Variants in SCHIP1 observed in about 807,000 individuals in gnomAD.
The protein encoded by SCHIP1 is schwannomin-interacting protein 1.
Under a neutral mutation model 29.7 loss-of-function variants are expected in SCHIP1, and 8 were observed. The ratio of observed to expected loss-of-function variants is 0.27; its 90% CI spans 0.16 to 0.49. SCHIP1 has a LOEUF of 0.49. SCHIP1 is among the 20% of genes least tolerant of loss of function. The pLI, the probability that SCHIP1 is intolerant of heterozygous loss-of-function variation, is 0.99. For synonymous variants in SCHIP1, 76 were observed against 94.9 expected (o/e 0.80, Z 1.16); for missense variants, 193 against 294.6 (o/e 0.66, Z 2.52).
chr3:159,663,052 A>T, the SCHIP1 span, among the ~76,000 whole-genome samples: 360 of 152,216 alleles, frequency 2.4e-3, 3 homozygotes, highest in African/African-American at 8.1e-3. Context: ...TTCAGATGAC[A>T]TTTTCCTCAG....
the SCHIP1 span, among the ~76,000 whole-genome samples, chr3:159,460,726 C>CCTTA: frequency 6.6e-6 from 1 of 152,018 alleles, no homozygotes; most frequent in Non-Finnish European, 1.5e-5. Flanking sequence ...CCCAAGACCC[C>CCTTA]CTTAGTCTTG....
chr3:159,550,258 G>T, the SCHIP1 span, among the ~76,000 whole-genome samples: 36 of 151,950 alleles, frequency 2.4e-4, no homozygotes, highest in Admixed American at 2.6e-4. Flanking sequence ...TATTAGTTAT[G>T]CTTTTCAAAT....
chr3:159,715,713 A>T, the SCHIP1 span, among the ~76,000 whole-genome samples: 1 of 152,200 alleles, frequency 6.6e-6, no homozygotes, highest in South Asian at 2.1e-4. Flanking sequence ...AAAGAGTAAA[A>T]AGAAATGAAC....
At chr3:159,582,006 A>C in the SCHIP1 span, among the ~76,000 whole-genome samples, 1 of 152,304 alleles carries the variant, frequency 6.6e-6, no homozygotes, top group African/African-American at 2.4e-5. Context: ...TATAATTAAA[A>C]CTGAATCATG....
the SCHIP1 span, among the ~76,000 whole-genome samples, chr3:159,514,690 CTTCA>C: frequency 2.6e-5 from 4 of 152,156 alleles, no homozygotes; most frequent in African/African-American, 7.2e-5. Context: ...TAAACTATTT[CTTCA>C]TTGTTTCTAA....
the SCHIP1 span, among the ~76,000 whole-genome samples, chr3:159,741,821 G>C: frequency 0.34 from 51,912 of 152,108 alleles, 10,314 homozygotes; most frequent in Middle Eastern, 0.47. Flanking sequence ...GGATTTGAGG[G>C]GACTGAGATA....
chr3:159,826,682 A>G, the SCHIP1 span, among the ~76,000 whole-genome samples: 1 of 152,202 alleles, frequency 6.6e-6, no homozygotes, highest in East Asian at 1.9e-4. Context: ...GGAATGAGGT[A>G]GGTAGGTTTA....
At chr3:159,746,200 A>G in the SCHIP1 span, among the ~76,000 whole-genome samples, 1 of 152,220 alleles carries the variant, frequency 6.6e-6, no homozygotes, top group African/African-American at 2.4e-5. Flanking sequence ...TTCTTCCCTT[A>G]AGATTTACAG....
chr3:159,839,965 C>T, exon 1 of SCHIP1: 1 of 1,420,186 alleles, frequency 7.0e-7, no homozygotes, highest in Non-Finnish European at 9.1e-7. Context: ...TCACTGGTTT[C>T]GGAGGGCTGG....
the SCHIP1 span, among the ~76,000 whole-genome samples, chr3:159,281,781 T>C: frequency 7.2e-5 from 11 of 152,296 alleles, no homozygotes; most frequent in East Asian, 2.1e-3. Context: ...TGCCTATTCA[T>C]TTATCGTTGT....
At chr3:159,298,006 G>A in the SCHIP1 span, among the ~76,000 whole-genome samples, 5 of 152,156 alleles carry the variant, frequency 3.3e-5, no homozygotes, top group African/African-American at 1.2e-4. Flanking sequence ...CCAGTCTTCT[G>A]CTCACTAGAA....
At chr3:159,463,050 T>A in the SCHIP1 span, among the ~76,000 whole-genome samples, 1 of 151,922 alleles carries the variant, frequency 6.6e-6, no homozygotes, top group Non-Finnish European at 1.5e-5. Flanking sequence ...GTCTATAGAA[T>A]ATTGTCAATC....
At chr3:159,685,992 G>T in the SCHIP1 span, among the ~76,000 whole-genome samples, 1 of 152,172 alleles carries the variant, frequency 6.6e-6, no homozygotes, top group Admixed American at 6.6e-5. Flanking sequence ...CTGCCTATTT[G>T]GACTGTGAAA....
At chr3:159,397,260 G>T in the SCHIP1 span, among the ~76,000 whole-genome samples, 2 of 151,918 alleles carry the variant, frequency 1.3e-5, no homozygotes, top group African/African-American at 4.8e-5. Flanking sequence ...TTTGCCTTTG[G>T]TTTGAATGTC....
At chr3:159,665,423 G>C in the SCHIP1 span, among the ~76,000 whole-genome samples, 1 of 152,138 alleles carries the variant, frequency 6.6e-6, no homozygotes, top group Non-Finnish European at 1.5e-5. Flanking sequence ...CTCTCCCAGA[G>C]CATGGGCCCC....
the SCHIP1 span, among the ~76,000 whole-genome samples, chr3:159,341,044 G>A: frequency 6.6e-6 from 1 of 152,194 alleles, no homozygotes; most frequent in East Asian, 1.9e-4. Context: ...ACTTTCCTGA[G>A]TTTTAGAGTT....
chr3:159,708,769 A>T, the SCHIP1 span, among the ~76,000 whole-genome samples: 3 of 152,232 alleles, frequency 2.0e-5, no homozygotes, highest in Non-Finnish European at 2.9e-5. Flanking sequence ...CAATGAACCA[A>T]GTGACCTGAG....
At chr3:159,480,070 G>T in the SCHIP1 span, among the ~76,000 whole-genome samples, 1 of 152,080 alleles carries the variant, frequency 6.6e-6, no homozygotes, top group Non-Finnish European at 1.5e-5. Context: ...CTAACACATA[G>T]AAAACAACAG....
intron 4 of SCHIP1, 50 bp downstream of exon 5, chr3:159,887,955 G>A: frequency 6.2e-7 from 1 of 1,603,360 alleles, no homozygotes; most frequent in Non-Finnish European, 8.5e-7. Context: ...GCCAGAAATG[G>A]TTGACACTGT....
Sources: allele counts gnomAD v4.1 joint callset (sites outside exome capture counted in the v4.1 genomes callset), GRCh38; gene constraint gnomAD v4.1.1; transcripts MANE v1.5; gene names NCBI Gene and HGNC (gene_info 2026-07-23, HGNC 2026-07-21).